Variants in ZPLD1 observed in about 807,000 individuals in gnomAD.
ZPLD1 encodes the protein zona pellucida like domain containing 1, also known as zona pellucida-like domain-containing protein 1.
A neutral mutation model predicts 47.2 loss-of-function variants in ZPLD1; 34 were observed. The observed-to-expected ratio is 0.72, with a 90% CI of 0.55 to 0.96. The LOEUF (loss-of-function observed/expected upper bound fraction) is 0.96. Among genes scored for constraint, ZPLD1 ranks in the 40% least tolerant of loss-of-function variants. The pLI, the probability that ZPLD1 is intolerant of heterozygous loss-of-function variation, is 0.00. For synonymous variants in ZPLD1, 176 were observed against 186.2 expected, an observed-to-expected ratio of 0.95 and a Z score of 0.45; for missense variants, 512 against 505.8, an observed-to-expected ratio of 1.01 and a Z score of -0.12.
At chr3:102,411,341 A>T (rs1706745666) in intron 7 of ZPLD1, among the ~76,000 whole-genome samples, 2 of 151,826 alleles carry the variant, frequency 1.3e-5, no homozygotes, top group African/African-American at 2.4e-5. Flanking sequence ...GGGATTATTC[A>T]TTCAAAGGGT....
intron 9 of ZPLD1, 54 bp downstream of exon 9, chr3:102,469,189 G>C (rs1576166887): frequency 1.3e-6 from 2 of 1,535,192 alleles, no homozygotes; most frequent in East Asian, 2.3e-5. Flanking sequence ...AAGCTGAAAG[G>C]TTATCAAATG....
intron 7 of ZPLD1, among the ~76,000 whole-genome samples, chr3:102,392,654 C>T (rs562470609): frequency 3.9e-5 from 6 of 151,980 alleles, no homozygotes; most frequent in African/African-American, 1.4e-4. Context: ...CCTGTAAATC[C>T]ATCAATCTAT....
intron 7 of ZPLD1, among the ~76,000 whole-genome samples, chr3:102,406,008 A>G (rs571388924): frequency 1.4e-3 from 209 of 152,136 alleles, no homozygotes; most frequent in African/African-American, 4.7e-3. Context: ...ATACTAATCA[A>G]TGACAATTAA....
chr3:102,469,077 T>C lies in ZPLD1; in HGVS notation c.875T>C (p.Val292Ala), dbSNP rs773474120. Residue 292 changes from valine to alanine, a missense_variant, in exon 9 of 12, where the codon GTC becomes GCC. By Grantham distance (64) the Val-to-Ala change is moderately conservative. Coordinates refer to ENST00000466937, the MANE Select transcript of ZPLD1 (RefSeq NM_001329788.2). ...VKHKNQKMST[V>A]FLHCVTKLCR... ...CACAAGAATCAGAAAATGTCCACTG[T>C]CTTCTTGCACTGCGTTACCAAGCTC... The C allele has an allele frequency of 1.2e-6, 2 of 1,614,192 alleles. No individual in the cohort carries two copies. Among genetic ancestry groups the C allele is most frequent in the Non-Finnish European group, 8.5e-7 (1 of 1,180,020 alleles).
chr3:102,438,569 G>A lies in ZPLD1; in HGVS notation c.82G>A (p.Ala28Thr). 6.2e-7 allele frequency: 1 copy of A among 1,613,638 alleles called. No individual in the cohort carries two copies. The highest frequency in any genetic ancestry group is 8.5e-7 in the Non-Finnish European group (1 of 1,179,568). ...SAQFNGYNCD[A>T]NLHSRFPAER... is the part of the protein sequence containing the mutation. ...TCAGTTCAACGGCTACAACTGTGAT[G>A]CCAACCTCCACAGTAGATTTCCTGG... The change falls in exon 3 of 12, where the codon GCC becomes ACC. Residue 28 changes from alanine (A) to threonine (T), a missense_variant. By Grantham distance (58) the Ala-to-Thr change is moderately conservative. Coordinates refer to ENST00000466937, the MANE Select transcript of ZPLD1 (RefSeq NM_001329788.2).
At chr3:102,465,159 C>T (rs911964546) in intron 8 of ZPLD1, among the ~76,000 whole-genome samples, 74 of 152,120 alleles carry the variant, frequency 4.9e-4, no homozygotes, top group African/African-American at 1.6e-3. Context: ...TTGATTCTAG[C>T]TTTACAAATT....
intron 1 of ZPLD1, 56 bp from the exon 2 acceptor site, chr3:102,436,804 T>C: frequency 2.5e-6 from 2 of 809,102 alleles, no homozygotes; most frequent in Non-Finnish European, 3.0e-6. Flanking sequence ...CTAGAAAGCA[T>C]TTCAGAACCA....
intron 3 of ZPLD1, among the ~76,000 whole-genome samples, chr3:102,445,088 G>A (rs968526308): frequency 6.6e-6 from 1 of 152,130 alleles, no homozygotes; most frequent in Non-Finnish European, 1.5e-5. Context: ...ACACTGCCCC[G>A]CTTGGTGTAG....
intron 3 of ZPLD1, among the ~76,000 whole-genome samples, chr3:102,441,853 T>C (rs1707183905): frequency 6.6e-6 from 1 of 152,168 alleles, no homozygotes. Context: ...GGTGACCATC[T>C]GTGTTAGCTG....
intron 8 of ZPLD1, among the ~76,000 whole-genome samples, chr3:102,429,639 G>A (rs937314775): frequency 6.6e-6 from 1 of 152,070 alleles, no homozygotes; most frequent in Non-Finnish European, 1.5e-5. Flanking sequence ...ACTTTCTTGC[G>A]ATTGATAATG....
upstream of ZPLD1, chr3:102,434,970 A>T (rs1707064580): frequency 2.4e-6 from 2 of 820,176 alleles, no homozygotes; most frequent in Admixed American, 2.2e-5. Flanking sequence ...CCTGCCTAAG[A>T]TCTAGGGAGC....
chr3:102,453,157 T>C lies in ZPLD1; in HGVS notation c.327+18T>C. On this transcript the variant is annotated intron_variant, in intron 4 of 11. Coordinates refer to ENST00000466937, the MANE Select transcript of ZPLD1 (RefSeq NM_001329788.2). The stretch of plus-strand genomic sequence containing the variant: ...ACCTGGTGGTAAGATTAGTGTGACA[T>C]TGTGTGCTAGGTCTGGGGTCATAAA... The C allele has an allele frequency of 6.2e-7, 1 of 1,607,758 alleles. No homozygotes were observed. The highest frequency in any genetic ancestry group is 1.1e-5 in the South Asian group (1 of 90,944).
intron 7 of ZPLD1, among the ~76,000 whole-genome samples, chr3:102,463,524 T>A (rs1423996952): frequency 1.3e-5 from 2 of 152,170 alleles, no homozygotes; most frequent in African/African-American, 4.8e-5. Flanking sequence ...TAATGTGAAA[T>A]TGACAATTTG....
intron 7 of ZPLD1, among the ~76,000 whole-genome samples, chr3:102,401,928 C>G (rs1706624130): frequency 6.6e-6 from 1 of 152,038 alleles, no homozygotes; most frequent in African/African-American, 2.4e-5. Flanking sequence ...ATGGTTAGAT[C>G]TTTTAAAACC....
At chr3:102,429,592 A>G (rs1235589374) in intron 8 of ZPLD1, among the ~76,000 whole-genome samples, 1 of 152,152 alleles carries the variant, frequency 6.6e-6, no homozygotes, top group Non-Finnish European at 1.5e-5. Context: ...AAGTTTGACT[A>G]TGACTTGATA....
chr3:102,394,066 C>A (rs145845488), intron 7 of ZPLD1, among the ~76,000 whole-genome samples: 12 of 152,208 alleles, frequency 7.9e-5, no homozygotes, highest in Middle Eastern at 3.4e-3. Context: ...AAGTGAAAAA[C>A]CTTTTAGAAC....
At chr3:102,452,135 G>A (rs1271964096) in intron 3 of ZPLD1, among the ~76,000 whole-genome samples, 5 of 150,896 alleles carry the variant, frequency 3.3e-5, no homozygotes, top group African/African-American at 1.2e-4. Context: ...GTGTGTGTGT[G>A]TGTGTGTGTG....
chr3:102,465,482 TA>T (rs1317882394), intron 8 of ZPLD1, among the ~76,000 whole-genome samples: 3 of 152,206 alleles, frequency 2.0e-5, no homozygotes, highest in Non-Finnish European at 2.9e-5. Context: ...TAATTGTGTA[TA>T]TAATGAACTT....
intron 7 of ZPLD1, among the ~76,000 whole-genome samples, chr3:102,462,823 A>T (rs950608233): frequency 6.6e-6 from 1 of 152,170 alleles, no homozygotes; most frequent in Non-Finnish European, 1.5e-5. Context: ...AAACATCTCT[A>T]TAAAAAAACT....
Sources: gnomAD v4.1 joint callset for allele counts (sites outside exome capture counted in the v4.1 genomes callset) on GRCh38, gnomAD v4.1.1 for gene constraint, MANE v1.5 for transcripts, NCBI Gene and HGNC (gene_info 2026-07-23, HGNC 2026-07-21) for gene names.